Variants in TACC2 observed in about 807,000 individuals in gnomAD.
TACC2 encodes the protein transforming acidic coiled-coil containing protein 2, also known as transforming acidic coiled-coil-containing protein 2.
A neutral mutation model predicts 227.3 loss-of-function variants in TACC2; 137 were observed. The ratio of observed to expected loss-of-function variants is 0.60; its 90% CI spans 0.52 to 0.69. The LOEUF (loss-of-function observed/expected upper bound fraction) is 0.69. TACC2 is among the 30% of genes least tolerant of loss of function. The probability of loss-of-function intolerance (pLI) is 0.00; values close to 1 mark genes in which losing one functional copy is unlikely to be tolerated. For synonymous variants in TACC2, 1,523 were observed against 1,487.5 expected (o/e 1.02, Z -0.55); for missense variants, 3,470 against 3,694.4 (o/e 0.94, Z 1.57).
At chr10:122,117,251 G>C (rs1489494011) in intron 5 of TACC2, among the ~76,000 whole-genome samples, 2 of 147,950 alleles carry the variant, frequency 1.4e-5, no homozygotes, top group Non-Finnish European at 3.0e-5. Flanking sequence ...CTGGAGTGCA[G>C]TGGCGTGATC....
At chr10:122,132,869 G>C in intron 6 of TACC2, 135 bp downstream of exon 6, 1 of 876,478 alleles carries the variant, frequency 1.1e-6, no homozygotes, top group Non-Finnish European at 1.8e-6. Context: ...CACACACACA[G>C]GGTGTGCACA....
intron 3 of TACC2, among the ~76,000 whole-genome samples, chr10:122,068,856 T>C (rs1372552039): frequency 1.5e-4 from 14 of 93,712 alleles, no homozygotes; most frequent in Admixed American, 9.3e-4. Flanking sequence ...CCTAGAAGTT[T>C]TTTTTTTTTT....
intron 5 of TACC2, among the ~76,000 whole-genome samples, chr10:122,100,614 C>T (rs891512076): frequency 7.2e-5 from 11 of 152,000 alleles, no homozygotes; most frequent in East Asian, 1.9e-4. Flanking sequence ...TTAGTACAGA[C>T]GGGGTTTCAC....
chr10:122,058,514 T>C (rs948261920), intron 3 of TACC2, among the ~76,000 whole-genome samples: 1 of 152,070 alleles, frequency 6.6e-6, no homozygotes, highest in African/African-American at 2.4e-5. Context: ...GTTCAAGTGA[T>C]TCTCCTGCCT....
At position 122,180,255 on chromosome 10, in the gene TACC2, G is replaced by T. The variant is rs2093923438; in HGVS notation, c.5835-14785G>T. Among the ~76,000 whole-genome samples, 4 of 151,736 alleles carry T rather than the reference G, an allele frequency of 2.6e-5. No individual in the cohort carries two copies. The highest frequency in any genetic ancestry group is 1.5e-5 in the Non-Finnish European group (1 of 68,000). The stretch of plus-strand genomic sequence containing the variant: ...TTAAATGGCCTGAAGCCCATTCCTT[G>T]AACCTGCCACCCTCCTTCCCCCTCC... On this transcript the variant is annotated intron_variant, in intron 7 of 22. Transcript: ENST00000369005. The surrounding 1 kb of genome is among the most constrained non-coding windows in gnomAD (Gnocchi z 4.5).
intron 9 of TACC2, chr10:122,213,243 C>CT: frequency 7.8e-7 from 1 of 1,277,186 alleles, no homozygotes; most frequent in Non-Finnish European, 1.1e-6. Flanking sequence ...CAGCGGTGGC[C>CT]GCCATATCCT....
chr10:122,085,388 C>T lies in TACC2; in HGVS notation c.2888C>T (p.Pro963Leu), dbSNP rs1191759613. 2.5e-6 allele frequency: 4 copies of T among 1,614,036 alleles called. No homozygotes were observed. Among genetic ancestry groups the T allele is most frequent in the South Asian group, 2.2e-5 (2 of 91,082 alleles). Residue 963 changes from proline to leucine, a missense_variant, in exon 4 of 23, where the codon CCT becomes CTT. By Grantham distance (98) the Pro-to-Leu change is moderately conservative (BLOSUM62 -3). Around this residue, in one of 10 missense-constraint regions of TACC2, gnomAD observed 1,924 missense variants for 1,978.3 expected, o/e 0.97. Coordinates refer to ENST00000369005, the MANE Select transcript of TACC2 (RefSeq NM_206862.4). ...GATGGTCAGTCCTCGAGGGTCTCGCCTCCAGCAGCAGATGTCTTAAAAGAC... is the reference window on the plus strand; with the variant it reads ...GATGGTCAGTCCTCGAGGGTCTCGCTTCCAGCAGCAGATGTCTTAAAAGAC... Reference protein sequence around the residue: ...CGDGQSSRVSPPAADVLKDFS... With the variant: ...CGDGQSSRVSLPAADVLKDFS...
intron 7 of TACC2, among the ~76,000 whole-genome samples, chr10:122,164,422 G>A (rs2093026453): frequency 6.6e-6 from 1 of 152,240 alleles, no homozygotes; most frequent in Non-Finnish European, 1.5e-5. Flanking sequence ...TGGGCAGATG[G>A]CGTGGTGCGC....
intron 1 of TACC2, among the ~76,000 whole-genome samples, chr10:122,001,664 G>A (rs148009801): frequency 3.7e-4 from 56 of 152,232 alleles, no homozygotes; most frequent in African/African-American, 1.3e-3. Flanking sequence ...AATATCCCTG[G>A]TTGTTTCATT....
chr10:122,138,666 C>T (rs2090065455), intron 6 of TACC2, among the ~76,000 whole-genome samples: 1 of 152,168 alleles, frequency 6.6e-6, no homozygotes, highest in Non-Finnish European at 1.5e-5. Flanking sequence ...GTGAAGCCAG[C>T]ACCCAGCGTG....
chr10:122,226,550 C>A, intron 13 of TACC2, 69 bp downstream of exon 13: 2 of 1,145,584 alleles, frequency 1.7e-6, no homozygotes, highest in Non-Finnish European at 2.6e-6. Flanking sequence ...CACCTTCATG[C>A]TGTTATTTTG....
intron 6 of TACC2, among the ~76,000 whole-genome samples, chr10:122,143,141 G>A (rs2090879912): frequency 6.6e-6 from 1 of 152,174 alleles, no homozygotes; most frequent in African/African-American, 2.4e-5. Flanking sequence ...TCAGCCTTGG[G>A]ATTTGCGGGC....
chr10:122,192,979 T>A (rs1200465789), intron 7 of TACC2, among the ~76,000 whole-genome samples: 4 of 152,224 alleles, frequency 2.6e-5, no homozygotes, highest in Non-Finnish European at 4.4e-5. Flanking sequence ...TCCACACCGA[T>A]AAACAGATGC....
intron 5 of TACC2, among the ~76,000 whole-genome samples, chr10:122,093,247 G>A (rs556286642): frequency 6.6e-6 from 1 of 152,254 alleles, no homozygotes; most frequent in Non-Finnish European, 1.5e-5. Flanking sequence ...AAAAGTGGAG[G>A]GAGGGAGGAC....
At chr10:122,245,842 T>C (rs907625623) in intron 19 of TACC2, among the ~76,000 whole-genome samples, 3 of 152,112 alleles carry the variant, frequency 2.0e-5, no homozygotes, top group Non-Finnish European at 4.4e-5. Context: ...TTTCTTCCTA[T>C]TTTAGACAAG....
chr10:122,085,244 C>A lies in TACC2; in HGVS notation c.2744C>A (p.Thr915Asn), dbSNP rs1449245390. The A allele has an allele frequency of 1.2e-6, 2 of 1,613,980 alleles. No homozygotes were observed. Among genetic ancestry groups the A allele is most frequent in the Non-Finnish European group, 1.7e-6 (2 of 1,180,042 alleles). Reference protein sequence around the residue: ...LPKGTLSDTPTSSPTDMVWES... With the variant: ...LPKGTLSDTPNSSPTDMVWES... ...AAAGGCACCCTGTCTGATACTCCAA[C>A]TTCATCTCCCACTGACATGGTTTGG... is the stretch of plus-strand genomic sequence containing the variant. The change falls in exon 4 of 23, where the codon ACT becomes AAT. Residue 915 changes from threonine to asparagine, a missense_variant. Coordinates refer to ENST00000369005, the MANE Select transcript of TACC2 (RefSeq NM_206862.4).
chr10:122,152,821 G>A (rs566610173), intron 7 of TACC2, among the ~76,000 whole-genome samples: 1 of 152,124 alleles, frequency 6.6e-6, no homozygotes, highest in South Asian at 2.1e-4. Context: ...GGACCTTGTG[G>A]AGAAAAGGGT....
chr10:122,066,238 G>C (rs1325437429), intron 3 of TACC2, among the ~76,000 whole-genome samples: 3 of 150,878 alleles, frequency 2.0e-5, no homozygotes, highest in African/African-American at 7.3e-5. Context: ...CCCCCAAGTA[G>C]CTGGGACTAC....
At chr10:121,996,981 G>C (rs1224002130) in intron 1 of TACC2, among the ~76,000 whole-genome samples, 2 of 152,006 alleles carry the variant, frequency 1.3e-5, no homozygotes, top group Non-Finnish European at 2.9e-5. Context: ...AGGGTGGGAG[G>C]AGGAACTGGA....
Sources: allele counts gnomAD v4.1 joint callset (sites outside exome capture counted in the v4.1 genomes callset), GRCh38; gene constraint gnomAD v4.1.1; regional missense constraint gnomAD v4.1.1; non-coding constraint Gnocchi (gnomAD v3.1); transcripts MANE v1.5; gene names NCBI Gene and HGNC (gene_info 2026-07-23, HGNC 2026-07-21).